USP24: variants seen among roughly 807,000 people sequenced by gnomAD.
USP24 encodes ubiquitin carboxyl-terminal hydrolase 24.
A neutral mutation model predicts 361.6 loss-of-function variants in USP24; 97 were observed. The observed-to-expected ratio is 0.27, with a 90% CI of 0.23 to 0.32. The LOEUF is 0.32. Ranked by LOEUF, USP24 falls within the 10% of genes least tolerant of loss-of-function variation. The probability of loss-of-function intolerance (pLI) is 1.00; values close to 1 mark genes in which losing one functional copy is unlikely to be tolerated. For synonymous variants in USP24, 1,098 were observed against 1,124.6 expected (o/e 0.98, Z 0.47); for missense variants, 2,353 against 3,165.6 (o/e 0.74, Z 6.16).
intron 18 of USP24, 120 bp from the exon 19 acceptor site, chr1:55,147,180 T>G: frequency 9.8e-7 from 1 of 1,016,024 alleles, no homozygotes. Context: ...TTCATATAAT[T>G]TAGGGTAAAG....
intron 54 of USP24, 57 bp downstream of exon 54, chr1:55,091,966 A>ATTGAAG: frequency 7.9e-7 from 1 of 1,267,384 alleles, no homozygotes; most frequent in Non-Finnish European, 1.1e-6. Flanking sequence ...TTCAACTTCA[A>ATTGAAG]TTGAATTCAC....
At chr1:55,166,731 T>C in intron 5 of USP24, 128 bp from the exon 6 acceptor site, 1 of 936,132 alleles carries the variant, frequency 1.1e-6, no homozygotes, top group Non-Finnish European at 1.6e-6. Context: ...TTTTCAAAGT[T>C]TTTTTCCCAA....
Position 55,111,664 on chromosome 1 carries a change from T to G in USP24, c.4509-1418A>C, listed in dbSNP as rs74073031. ...TGAAATATCACTAAAGAATTATTTTTTATTACCATAAATATACAGCTGATG... is the reference window on the plus strand; with the variant it reads ...TGAAATATCACTAAAGAATTATTTTGTATTACCATAAATATACAGCTGATG... On this transcript the variant is annotated intron_variant, in intron 38 of 67. Coordinates refer to ENST00000294383, the MANE Select transcript of USP24 (RefSeq NM_015306.3). Among the ~76,000 whole-genome samples, 346 of 152,266 alleles carry G rather than the reference T, an allele frequency of 2.3e-3. 1 individual carries two copies. The highest frequency in any genetic ancestry group is 7.7e-3 in the African/African-American group (321 of 41,568).
chr1:55,172,051 T>A (rs1018662567), intron 4 of USP24, among the ~76,000 whole-genome samples: 4 of 152,130 alleles, frequency 2.6e-5, no homozygotes, highest in African/African-American at 9.7e-5. Flanking sequence ...TACTGTTACC[T>A]GTTGGGGGAA....
intron 1 of USP24, among the ~76,000 whole-genome samples, chr1:55,212,440 T>C (rs1325307902): frequency 8.5e-5 from 13 of 152,232 alleles, no homozygotes; most frequent in Admixed American, 7.2e-4. Context: ...TACATAATCA[T>C]ATCCCTAAAA....
intron 1 of USP24, among the ~76,000 whole-genome samples, chr1:55,196,139 TC>T (rs1644411374): frequency 6.6e-6 from 1 of 152,122 alleles, no homozygotes; most frequent in African/African-American, 2.4e-5. Flanking sequence ...GGATCCCTCT[TC>T]CTGGAAACAC....
intron 23 of USP24, among the ~76,000 whole-genome samples, chr1:55,141,999 C>T (rs1056602601): frequency 2.0e-5 from 3 of 152,256 alleles, no homozygotes; most frequent in African/African-American, 7.2e-5. Context: ...TTAACACTTA[C>T]ATGGGACCTC....
chr1:55,124,394 G>T, intron 35 of USP24, 75 bp downstream of exon 35: 3 of 1,502,844 alleles, frequency 2.0e-6, no homozygotes, highest in Admixed American at 4.4e-5. Flanking sequence ...TTGTGACTCT[G>T]GCAAACCTAC....
chr1:55,171,638 A>G lies in USP24; in HGVS notation c.743T>C (p.Met248Thr), dbSNP rs1372658734. Residue 248 changes from methionine to threonine, a missense_variant, in exon 5 of 68, where the codon ATG becomes ACG. This residue lies in a region of USP24 where 386 missense variants were observed against 560.5 expected (regional missense o/e 0.69). Transcript: ENST00000294383. Reference protein sequence around the residue: ...PDNEYHFKNRMKVSQRNWAEV... With the variant: ...PDNEYHFKNRTKVSQRNWAEV... ...TGCCCAATTCCTTTGAGACACTTTC[A>G]TTCTGTTTTTAAAATGGTATTCATT... 6.2e-7 allele frequency: 1 copy of G among 1,607,556 alleles called. No individual in the cohort carries two copies. The highest frequency in any genetic ancestry group is 1.3e-5 in the African/African-American group (1 of 74,986).
rs376659776 is a variant in USP24 at position 55,071,842 on chromosome 1, T to C, written c.7772A>G (p.Asn2591Ser). ...SSNGSESSPANENGDRHLQQG... is the reference protein window; with the variant it reads ...SSNGSESSPASENGDRHLQQG... ...CTGTAGATGCCTGTCTCCGTTCTCA[T>C]TGGCAGGACTACTCTCCGACCCATT... The change falls in exon 67 of 68, where the codon AAT (asparagine) becomes AGT (serine). Residue 2591 changes from asparagine (N) to serine (S), a missense_variant. Coordinates refer to ENST00000294383, the MANE Select transcript of USP24 (RefSeq NM_015306.3). 5.0e-5 allele frequency: 81 copies of C among 1,613,422 alleles called. No homozygotes were observed. Among genetic ancestry groups the C allele is most frequent in the Middle Eastern group, 3.3e-4 (2 of 6,062 alleles).
chr1:55,140,414 G>A (rs1646855538), intron 24 of USP24, among the ~76,000 whole-genome samples: 2 of 152,124 alleles, frequency 1.3e-5, no homozygotes, highest in South Asian at 4.1e-4. Flanking sequence ...GTCTATTTGA[G>A]AAATACTTCC....
chr1:55,176,273 G>A, intron 3 of USP24, 103 bp downstream of exon 3: 5 of 909,070 alleles, frequency 5.5e-6, no homozygotes, highest in Non-Finnish European at 8.2e-6. Flanking sequence ...TCATAAACTG[G>A]TCTTATACAT....
chr1:55,167,310 G>C lies in USP24; in HGVS notation c.826-707C>G, dbSNP rs116434455. Reference sequence around the variant, plus strand: ...ATCTTTAAAGGACAAGACAGATGTAGCCGTTTAAAGAACAGTCCAGGCAGA... The same window carrying C: ...ATCTTTAAAGGACAAGACAGATGTACCCGTTTAAAGAACAGTCCAGGCAGA... On this transcript the variant is annotated intron_variant, in intron 5 of 67. Coordinates refer to ENST00000294383, the MANE Select transcript of USP24 (RefSeq NM_015306.3). 3.9e-4 allele frequency among the ~76,000 whole-genome samples: 60 copies of C among 152,250 alleles called. 1 individual carries two copies. The highest frequency in any genetic ancestry group is 1.4e-3 in the African/African-American group (57 of 41,542).
At chr1:55,115,765 C>G (rs574161358) in intron 38 of USP24, among the ~76,000 whole-genome samples, 2 of 152,242 alleles carry the variant, frequency 1.3e-5, no homozygotes, top group African/African-American at 2.4e-5. Flanking sequence ...TTGGAACCAA[C>G]CCAAATGCCC....
rs113578672 is a variant in USP24 at position 55,066,699 on chromosome 1, C to G, written c.*2346G>C. 6.6e-6 allele frequency: 1 copy of G among 152,192 alleles called. No homozygotes were observed. Among genetic ancestry groups the G allele is most frequent in the African/African-American group, 2.4e-5 (1 of 41,440 alleles). The allele number at this position is 152,192 out of a possible 1,614,324, so 9.4% of individuals were successfully genotyped here. Reference sequence around the variant, plus strand: ...AGATGCCCGCTGGGATGCTTGTTTTCTTTCCCAGGATGCCTTCAACGGGCA... The same window carrying G: ...AGATGCCCGCTGGGATGCTTGTTTTGTTTCCCAGGATGCCTTCAACGGGCA... On this transcript the variant is annotated 3_prime_UTR_variant, in exon 68 of 68. Coordinates refer to ENST00000294383, the MANE Select transcript of USP24 (RefSeq NM_015306.3).
At chr1:55,096,844 G>T in intron 49 of USP24, 108 bp downstream of exon 49, 2 of 1,425,978 alleles carry the variant, frequency 1.4e-6, no homozygotes, top group Non-Finnish European at 1.9e-6. Context: ...ATGAAACACA[G>T]TCAAGAACAA....
chr1:55,190,164 C>CAG (rs1644248111), intron 1 of USP24, among the ~76,000 whole-genome samples: 1 of 78,740 alleles, frequency 1.3e-5, no homozygotes, highest in Non-Finnish European at 2.2e-5. Flanking sequence ...GACTCCATCT[C>CAG]AAAAAAAAAA....
rs1370764694 is a variant in USP24, at chr1:55,125,454, C to A, written c.3826G>T (p.Val1276Phe). Residue 1276 changes from valine to phenylalanine, a missense_variant, in exon 34 of 68, where the codon GTC becomes TTC. Around this residue, in one of 8 missense-constraint regions of USP24, gnomAD observed 949 missense variants for 1,280.5 expected, o/e 0.74. Transcript: ENST00000294383. ...EALSSRPFRN[V>F]SRQTSRQMSL... is the part of the protein sequence containing the mutation. ...ATCTGTCTGCTTGTCTGCCGGCTGA[C>A]ATTTCGGAATGGGCGGGAAGAAAGT... is the stretch of plus-strand genomic sequence containing the variant. The A allele has an allele frequency of 1.2e-6, 2 of 1,613,954 alleles. No individual in the cohort carries two copies. The highest frequency in any genetic ancestry group is 2.2e-5 in the South Asian group (2 of 91,078).
intron 45 of USP24, 46 bp downstream of exon 45, chr1:55,099,724 AT>A (rs1645583834): frequency 7.6e-7 from 1 of 1,308,584 alleles, no homozygotes; most frequent in Admixed American, 2.1e-5. Flanking sequence ...TTCTCATACT[AT>A]AATTAGAGTT....
Sources: allele counts gnomAD v4.1 joint callset (sites outside exome capture counted in the v4.1 genomes callset), GRCh38; gene constraint gnomAD v4.1.1; regional missense constraint gnomAD v4.1.1; transcripts MANE v1.5; gene names NCBI Gene and HGNC (gene_info 2026-07-23, HGNC 2026-07-21).